NOVA1: variants seen among roughly 807,000 people sequenced by gnomAD.
NOVA1 encodes RNA-binding protein Nova-1.
A neutral mutation model predicts 38.0 loss-of-function variants in NOVA1; 7 were observed. The ratio of observed to expected loss-of-function variants is 0.18; its 90% CI spans 0.10 to 0.35. The LOEUF is 0.35. Among genes scored for constraint, NOVA1 ranks in the 10% least tolerant of loss-of-function variants. The pLI, the probability that NOVA1 is intolerant of heterozygous loss-of-function variation, is 1.00. For synonymous variants in NOVA1, 270 were observed against 232.5 expected, an observed-to-expected ratio of 1.16 and a Z score of -1.47; for missense variants, 460 against 616.0, an observed-to-expected ratio of 0.75 and a Z score of 2.68.
At chr14:26,536,213 G>C (rs572700514) in intron 2 of NOVA1, among the ~76,000 whole-genome samples, 1 of 151,226 alleles carries the variant, frequency 6.6e-6, no homozygotes, top group African/African-American at 2.4e-5. Flanking sequence ...AGGCTCGGAA[G>C]GGTGGTGGGC....
chr14:26,469,701 C>T (rs964186714), intron 4 of NOVA1, among the ~76,000 whole-genome samples: 4 of 152,068 alleles, frequency 2.6e-5, no homozygotes, highest in Admixed American at 6.6e-5. Context: ...GCACTCCTTC[C>T]GCCTCAGCCT....
At chr14:26,530,481 T>C (rs1889632753) in intron 2 of NOVA1, among the ~76,000 whole-genome samples, 1 of 152,158 alleles carries the variant, frequency 6.6e-6, no homozygotes, top group Non-Finnish European at 1.5e-5. Context: ...TAAATAAATA[T>C]ATATCAGTAT....
In NOVA1 at chr14:26,480,156, C is replaced by T. The variant is rs1885341069; in HGVS notation, c.281-13G>A. ...CGCTCAGTAGTACCTGTGGATAAAA[C>T]ATTGATTTTCAGAAAATATTCCACA... On this transcript the variant is annotated splice_polypyrimidine_tract_variant and intron_variant, in intron 2 of 4. Transcript: ENST00000539517. The T allele has an allele frequency of 6.3e-7, 1 of 1,585,374 alleles. No homozygotes were observed. The highest frequency in any genetic ancestry group is 1.4e-5 in the African/African-American group (1 of 73,766).
At chr14:26,480,424 T>C (rs1293395218) in intron 2 of NOVA1, among the ~76,000 whole-genome samples, 1 of 152,132 alleles carries the variant, frequency 6.6e-6, no homozygotes, top group Non-Finnish European at 1.5e-5. Flanking sequence ...TAACAAATAC[T>C]TATTGAGTAC....
intron 2 of NOVA1, among the ~76,000 whole-genome samples, chr14:26,557,955 A>G (rs1179719019): frequency 6.6e-6 from 1 of 151,946 alleles, no homozygotes; most frequent in African/African-American, 2.4e-5. Context: ...CTAACATGCC[A>G]TAAAAAGACA....
chr14:26,595,305 G>A, intron 2 of NOVA1, 105 bp downstream of exon 2: 1 of 1,072,334 alleles, frequency 9.3e-7, no homozygotes, highest in Non-Finnish European at 1.3e-6. Flanking sequence ...TCTAAATAAA[G>A]TCTCCAGTAT....
intron 2 of NOVA1, among the ~76,000 whole-genome samples, chr14:26,511,575 A>G (rs562505198): frequency 7.4e-4 from 113 of 152,112 alleles, no homozygotes; most frequent in African/African-American, 2.6e-3. Flanking sequence ...AACATGGTGA[A>G]ACCCTGTCTC....
intron 2 of NOVA1, among the ~76,000 whole-genome samples, chr14:26,521,856 T>C (rs189757150): frequency 2.6e-5 from 4 of 152,144 alleles, no homozygotes; most frequent in East Asian, 1.9e-4. Flanking sequence ...AATTTTTATA[T>C]TGACAAAATT....
intron 4 of NOVA1, among the ~76,000 whole-genome samples, chr14:26,451,221 C>A (rs1882645346): frequency 6.6e-6 from 1 of 151,786 alleles, no homozygotes; most frequent in Non-Finnish European, 1.5e-5. Context: ...CAGTTTTTTT[C>A]TTTTTAACTC....
At position 26,594,775 on chromosome 14, in the gene NOVA1, C is replaced by T. The variant is rs1044381044; in HGVS notation, c.280+635G>A. On this transcript the variant is annotated intron_variant, in intron 2 of 4. Coordinates refer to ENST00000539517, the MANE Select transcript of NOVA1 (RefSeq NM_002515.3). The stretch of plus-strand genomic sequence containing the variant: ...TCCCATATTCCAGTAGGTTACTGTA[C>T]TACACTGTCAACATATTTAATCAAA... Among the ~76,000 whole-genome samples the T allele has an allele frequency of 1.2e-3, 8 of 6,534 alleles. No individual in the cohort carries two copies. In the South Asian group the frequency reaches 0.36, roughly 297 times the overall value. 4.3% of individuals were successfully genotyped at this position (6,534 alleles called of 152,430 possible). A position where few individuals can be genotyped will look rare whatever the true frequency, so the allele number is the denominator to read the frequency against.
rs994996309 is a variant in NOVA1, at chr14:26,580,083, C to CA, written c.280+15326dup. ...CCAGCTAAAAAAATCTTACTAACAG[C>CA]AAAAAAAAAAGCTTTAAAATAAGCC... On this transcript the variant is annotated intron_variant, in intron 2 of 4. Coordinates refer to ENST00000539517, the MANE Select transcript of NOVA1 (RefSeq NM_002515.3). 2.2e-3 allele frequency among the ~76,000 whole-genome samples: 305 copies of CA among 138,722 alleles called. 2 individuals are homozygous for CA. The highest frequency in any genetic ancestry group is 0.016 in the Admixed American group (222 of 13,836). 91.0% of individuals were successfully genotyped at this position (138,722 alleles called of 152,430 possible).
chr14:26,517,335 C>A (rs375879772), intron 2 of NOVA1, among the ~76,000 whole-genome samples: 1 of 152,066 alleles, frequency 6.6e-6, no homozygotes, highest in Non-Finnish European at 1.5e-5. Flanking sequence ...CACAAAATAC[C>A]GCTCCTCGGA....
chr14:26,554,332 A>G (rs1891351244), intron 2 of NOVA1, among the ~76,000 whole-genome samples: 1 of 151,800 alleles, frequency 6.6e-6, no homozygotes, highest in Non-Finnish European at 1.5e-5. Flanking sequence ...AGCACACAGG[A>G]GGAGAAATAG....
chr14:26,574,374 C>T (rs557669218), intron 2 of NOVA1, among the ~76,000 whole-genome samples: 6 of 148,838 alleles, frequency 4.0e-5, no homozygotes, highest in Non-Finnish European at 5.9e-5. Flanking sequence ...GAAATAGAAA[C>T]GAGTATCATA....
intron 2 of NOVA1, among the ~76,000 whole-genome samples, chr14:26,556,508 A>G (rs1891488145): frequency 6.6e-6 from 1 of 152,216 alleles, no homozygotes; most frequent in Non-Finnish European, 1.5e-5. Context: ...AACCTTTCAC[A>G]AAAATTAACT....
At chr14:26,510,213 C>T (rs1594433253) in intron 2 of NOVA1, among the ~76,000 whole-genome samples, 1 of 152,114 alleles carries the variant, frequency 6.6e-6, no homozygotes, top group East Asian at 1.9e-4. Flanking sequence ...CTATACAGCA[C>T]ACACAAGAAA....
intron 2 of NOVA1, among the ~76,000 whole-genome samples, chr14:26,528,147 A>G (rs904239609): frequency 1.2e-4 from 18 of 152,072 alleles, no homozygotes; most frequent in African/African-American, 4.3e-4. Context: ...TCTTTCTCAC[A>G]CCACTTCCTC....
rs1411966772 is a variant in NOVA1, at chr14:26,454,563, G to A, written c.520-5600C>T. On this transcript the variant is annotated intron_variant, in intron 4 of 4. Transcript: ENST00000539517. ...TAACCCTGTCTAAAGCCATCACAGA[G>A]GAAATACAACTCCCTTTTTTGCTTA... Among the ~76,000 whole-genome samples, 6 of 151,994 alleles carry A rather than the reference G, an allele frequency of 3.9e-5. 1 individual carries two copies. The highest frequency in any genetic ancestry group is 6.3e-3 in the Middle Eastern group (2 of 316).
intron 2 of NOVA1, among the ~76,000 whole-genome samples, chr14:26,572,118 C>T (rs1014261772): frequency 3.9e-5 from 6 of 152,122 alleles, no homozygotes; most frequent in Admixed American, 6.6e-5. Context: ...TTATGAAATA[C>T]ACCACAATAT....
Sources: gnomAD v4.1 joint callset for allele counts (sites outside exome capture counted in the v4.1 genomes callset) on GRCh38, gnomAD v4.1.1 for gene constraint, MANE v1.5 for transcripts, NCBI Gene and HGNC (gene_info 2026-07-23, HGNC 2026-07-21) for gene names.